The following CDH23 variants were observed in gnomAD, a reference collection of about 807,000 sequenced individuals.
The protein encoded by CDH23 is cadherin-23.
A neutral mutation model predicts 317.1 loss-of-function variants in CDH23; 189 were observed. The observed-to-expected ratio is 0.60, with a 90% CI of 0.53 to 0.67. CDH23 has a LOEUF of 0.67. Ranked by LOEUF, CDH23 falls within the 30% of genes least tolerant of loss-of-function variation. The pLI is 0.00. For synonymous variants in CDH23, 1,839 were observed against 1,876.8 expected (o/e 0.98, Z 0.52); for missense variants, 4,401 against 4,592.4 (o/e 0.96, Z 1.20).
chr10:71,481,289 C>T (rs1028959979), intron 3 of CDH23, among the ~76,000 whole-genome samples: 1 of 152,124 alleles, frequency 6.6e-6, no homozygotes, highest in Non-Finnish European at 1.5e-5. Context: ...CCAGAGGGTG[C>T]AGAGCAGCCA....
chr10:71,455,597 C>G (rs1027738660), intron 3 of CDH23, among the ~76,000 whole-genome samples: 2 of 152,158 alleles, frequency 1.3e-5, no homozygotes, highest in Admixed American at 1.3e-4. Context: ...AAATCCCTGT[C>G]CTCATGGAAC....
intron 38 of CDH23, among the ~76,000 whole-genome samples, chr10:71,745,920 T>A (rs953345156): frequency 5.9e-5 from 9 of 152,342 alleles, no homozygotes; most frequent in African/African-American, 2.2e-4. Flanking sequence ...CCACTTGCCA[T>A]CCTTTTACTC....
intron 32 of CDH23, chr10:71,732,622 G>A: frequency 7.1e-7 from 1 of 1,399,358 alleles, no homozygotes; most frequent in Non-Finnish European, 9.3e-7. Context: ...AACAGAGTGA[G>A]ACCTTGTCTC....
intron 11 of CDH23, among the ~76,000 whole-genome samples, chr10:71,640,999 C>G (rs958949437): frequency 1.3e-5 from 2 of 152,118 alleles, no homozygotes; most frequent in African/African-American, 4.8e-5. Flanking sequence ...TGCTTCCACC[C>G]CCTCCCTCAG....
At chr10:71,660,208 C>G (rs1390458758) in intron 14 of CDH23, among the ~76,000 whole-genome samples, 1 of 152,086 alleles carries the variant, frequency 6.6e-6, no homozygotes, top group African/African-American at 2.4e-5. Context: ...ATCCACCCCG[C>G]TCGGCCTCCC....
chr10:71,447,391 G>A (rs10999813), intron 3 of CDH23, among the ~76,000 whole-genome samples: 53,054 of 152,070 alleles, frequency 0.35, 11,536 homozygotes, highest in East Asian at 0.48. Context: ...GGTGCCTTAC[G>A]CGGGCCCAGA....
At chr10:71,712,584 G>A in intron 27 of CDH23, 81 bp from the exon 28 acceptor site, 2 of 1,538,410 alleles carry the variant, frequency 1.3e-6, no homozygotes, top group South Asian at 1.2e-5. Flanking sequence ...TCTGGCCGGT[G>A]CCCGGGAGTG....
At chr10:71,413,751 G>A (rs1848428443) in intron 1 of CDH23, among the ~76,000 whole-genome samples, 3 of 151,906 alleles carry the variant, frequency 2.0e-5, no homozygotes, top group South Asian at 4.1e-4. Context: ...CAAGCTAGAG[G>A]CAAACTCCTG....
chr10:71,688,120 G>A (rs1330373073), intron 19 of CDH23, among the ~76,000 whole-genome samples: 1 of 152,160 alleles, frequency 6.6e-6, no homozygotes, highest in African/African-American at 2.4e-5. Flanking sequence ...TTACAGCGGG[G>A]CATGTGTTCC....
intron 38 of CDH23, among the ~76,000 whole-genome samples, chr10:71,756,913 A>C (rs1840163564): frequency 6.6e-6 from 1 of 152,224 alleles, no homozygotes; most frequent in African/African-American, 2.4e-5. Flanking sequence ...AGGTTTGTTC[A>C]TACTGCAAAT....
chr10:71,646,287 A>G (rs1204708406), intron 13 of CDH23, among the ~76,000 whole-genome samples, 172 bp from the exon 14 acceptor site: 1 of 152,204 alleles, frequency 6.6e-6, no homozygotes, highest in Non-Finnish European at 1.5e-5. Context: ...ATCAGCAGCC[A>G]TCCCTAGAGC....
At chr10:71,813,868 A>G (rs1387820675) in intron 69 of CDH23, among the ~76,000 whole-genome samples, 1 of 152,184 alleles carries the variant, frequency 6.6e-6, no homozygotes, top group African/African-American at 2.4e-5. Context: ...AGACCATGCC[A>G]CTGCACTCCA....
chr10:71,648,176 A>G (rs1258202122), intron 14 of CDH23, among the ~76,000 whole-genome samples: 4 of 152,184 alleles, frequency 2.6e-5, no homozygotes, highest in African/African-American at 7.2e-5. Flanking sequence ...TCTCTAGCCC[A>G]TGACTCCTCC....
At chr10:71,762,269 AGAGACTTGGAGGGCAGT>A (rs1405014564) in intron 38 of CDH23, among the ~76,000 whole-genome samples, 2 of 152,212 alleles carry the variant, frequency 1.3e-5, no homozygotes, top group Admixed American at 6.5e-5. Flanking sequence ...CAGGGCAGGG[AGAGACTTGGAGGGCAGT>A]GATGCAGTCG....
At chr10:71,497,126 A>G (rs1328277408) in intron 3 of CDH23, among the ~76,000 whole-genome samples, 2 of 152,172 alleles carry the variant, frequency 1.3e-5, no homozygotes, top group African/African-American at 2.4e-5. Flanking sequence ...ATCACTTCTG[A>G]GAAGGAAGGA....
chr10:71,696,798 C>T (rs7094761), intron 22 of CDH23, among the ~76,000 whole-genome samples: 42,461 of 152,112 alleles, frequency 0.28, 6,216 homozygotes, highest in South Asian at 0.42. Context: ...TTCAAAGCCC[C>T]GTAGAGGAAT....
chr10:71,577,412 C>T (rs1341019764), intron 8 of CDH23, among the ~76,000 whole-genome samples: 14 of 152,156 alleles, frequency 9.2e-5, no homozygotes. Flanking sequence ...TACCTGCTTT[C>T]ATGATTTATG....
chr10:71,434,223 G>A (rs1287256764), intron 1 of CDH23, among the ~76,000 whole-genome samples: 1 of 152,176 alleles, frequency 6.6e-6, no homozygotes, highest in Non-Finnish European at 1.5e-5. Context: ...CCTCCCCAGT[G>A]ACCCTCAGCT....
intron 17 of CDH23, among the ~76,000 whole-genome samples, chr10:71,680,755 AAAAAAAAAG>A (rs1207924264): frequency 2.1e-4 from 30 of 146,034 alleles, no homozygotes; most frequent in African/African-American, 7.5e-4. Context: ...TCAAAAAAAA[AAAAAAAAAG>A]AAAAAGAAAT....
Sources: gnomAD v4.1 joint callset for allele counts (sites outside exome capture counted in the v4.1 genomes callset) on GRCh38, gnomAD v4.1.1 for gene constraint, MANE v1.5 for transcripts, NCBI Gene and HGNC (gene_info 2026-07-23, HGNC 2026-07-21) for gene names.